ERC2: variants seen among roughly 807,000 people sequenced by gnomAD.
ERC2 encodes ERC protein 2.
In ERC2, 42 loss-of-function variants were observed where a neutral mutation model predicts 114.8. The ratio of observed to expected loss-of-function variants is 0.37; its 90% CI spans 0.29 to 0.47. The LOEUF (loss-of-function observed/expected upper bound fraction) is 0.47. Ranked by LOEUF, ERC2 falls within the 20% of genes least tolerant of loss-of-function variation. The pLI is 0.99. For missense variants in ERC2, 939 were observed against 1,150.7 expected (o/e 0.82, Z 2.66); for synonymous variants, 454 against 425.5 (o/e 1.07, Z -0.82).
chr3:55,777,461 A>T (rs1027779674), intron 14 of ERC2, among the ~76,000 whole-genome samples: 1 of 152,246 alleles, frequency 6.6e-6, no homozygotes, highest in Non-Finnish European at 1.5e-5. Flanking sequence ...GTGGGCATAC[A>T]GGCACCCCTG....
At chr3:56,420,918 G>T in intron 2 of ERC2, among the ~76,000 whole-genome samples, 1 of 151,510 alleles carries the variant, frequency 6.6e-6, no homozygotes, top group Non-Finnish European at 1.5e-5. Context: ...AAGAAAGAAA[G>T]AAAGAAAGAA....
At chr3:55,708,355 G>A (rs1043784926) in intron 15 of ERC2, among the ~76,000 whole-genome samples, 1 of 152,220 alleles carries the variant, frequency 6.6e-6, no homozygotes, top group Admixed American at 6.5e-5. Context: ...CAGAGTCTGG[G>A]GGAAGGGAAA....
intron 3 of ERC2, among the ~76,000 whole-genome samples, chr3:56,277,205 T>G (rs2054063600): frequency 6.6e-6 from 1 of 152,196 alleles, no homozygotes; most frequent in Non-Finnish European, 1.5e-5. Flanking sequence ...CCCTCCTCTC[T>G]AAATATTTCC....
At chr3:55,878,949 C>A in intron 14 of ERC2, among the ~76,000 whole-genome samples, 1 of 152,114 alleles carries the variant, frequency 6.6e-6, no homozygotes, top group East Asian at 1.9e-4. Context: ...CTGCTTGGCT[C>A]ATATATTTAA....
chr3:55,665,732 A>C (rs1030695439), intron 17 of ERC2, among the ~76,000 whole-genome samples: 3 of 152,200 alleles, frequency 2.0e-5, no homozygotes, highest in Admixed American at 6.5e-5. Flanking sequence ...CTAGAAAGGA[A>C]AGACAAATCA....
At chr3:56,192,331 G>T (rs1370905301) in intron 3 of ERC2, among the ~76,000 whole-genome samples, 1 of 152,178 alleles carries the variant, frequency 6.6e-6, no homozygotes, top group Non-Finnish European at 1.5e-5. Flanking sequence ...GAGGTTAATA[G>T]TTGTAACAGG....
intron 14 of ERC2, among the ~76,000 whole-genome samples, chr3:55,868,318 T>C (rs2062419673): frequency 6.6e-6 from 1 of 152,102 alleles, no homozygotes. Context: ...ATAATCCACA[T>C]CTAAAAAGTG....
chr3:56,343,001 A>G (rs2058150316), intron 2 of ERC2, among the ~76,000 whole-genome samples: 2 of 152,120 alleles, frequency 1.3e-5, no homozygotes, highest in East Asian at 3.9e-4. Flanking sequence ...AGCCAGGGCT[A>G]ATCACATCCC....
At chr3:56,381,589 T>C (rs981925565) in intron 2 of ERC2, among the ~76,000 whole-genome samples, 5 of 151,602 alleles carry the variant, frequency 3.3e-5, no homozygotes, top group Non-Finnish European at 7.4e-5. Flanking sequence ...ATAGATTCAA[T>C]AGCAGATTCT....
At chr3:55,563,756 G>C (rs59092529) in intron 17 of ERC2, among the ~76,000 whole-genome samples, 26,299 of 152,222 alleles carry the variant, frequency 0.17, 2,823 homozygotes, top group Middle Eastern at 0.27. Flanking sequence ...ACAGGGGTGG[G>C]AGAGATGGAA....
chr3:55,776,206 C>T (rs558113070), intron 14 of ERC2, among the ~76,000 whole-genome samples: 79 of 151,896 alleles, frequency 5.2e-4, no homozygotes, highest in African/African-American at 1.7e-3. Flanking sequence ...TTATAAAGGG[C>T]ACACAAGCCA....
In ERC2 at chr3:56,100,984, G is replaced by GA. The variant is rs546255121; in HGVS notation, c.1474-20001dup. Among the ~76,000 whole-genome samples the GA allele has an allele frequency of 4.0e-3, 603 of 151,866 alleles. 10 individuals are homozygous for GA. Among genetic ancestry groups the GA allele is most frequent in the African/African-American group, 0.014 (577 of 41,446 alleles). On this transcript the variant is annotated intron_variant, in intron 6 of 17. Coordinates refer to ENST00000288221, the MANE Select transcript of ERC2 (RefSeq NM_015576.3). ...TTCAGGGGATAATCAAATTAAGGAG[G>GA]AAAAAAAATCATCCTCTGTTTTTCT... is the stretch of plus-strand genomic sequence containing the variant.
chr3:56,058,379 C>T (rs997398380), intron 7 of ERC2, among the ~76,000 whole-genome samples: 1 of 152,214 alleles, frequency 6.6e-6, no homozygotes, highest in African/African-American at 2.4e-5. Context: ...ACACCACACT[C>T]CAGGTGCCTG....
intron 3 of ERC2, among the ~76,000 whole-genome samples, chr3:56,175,769 A>G (rs1348199924): frequency 2.6e-5 from 4 of 152,232 alleles, no homozygotes; most frequent in African/African-American, 9.6e-5. Context: ...GACACAATAA[A>G]TGTAACAACC....
intron 3 of ERC2, among the ~76,000 whole-genome samples, chr3:56,278,919 C>T (rs1287632612): frequency 2.0e-5 from 3 of 152,186 alleles, no homozygotes; most frequent in African/African-American, 2.4e-5. Context: ...TCCCACTATG[C>T]CCCAACTCCA....
At chr3:55,597,504 T>G (rs2058202941) in intron 17 of ERC2, among the ~76,000 whole-genome samples, 1 of 152,096 alleles carries the variant, frequency 6.6e-6, no homozygotes, top group Non-Finnish European at 1.5e-5. Context: ...ATAGTCCTCA[T>G]TTTCTGAGGC....
At chr3:55,654,156 C>A (rs887547692) in intron 17 of ERC2, among the ~76,000 whole-genome samples, 3 of 152,252 alleles carry the variant, frequency 2.0e-5, no homozygotes, top group Non-Finnish European at 2.9e-5. Flanking sequence ...GGTCTCAGCT[C>A]CTCAGCTAAG....
rs560504811 is a variant in ERC2 at position 55,583,342 on chromosome 3, T to TCTGC, written c.*40-72070_*40-72067dup. On this transcript the variant is annotated intron_variant, in intron 17 of 17. Transcript: ENST00000288221. ...TCCAGTGTGGAAGCTTGCCTGCCTG[T>TCTGC]CTGCCTGCCTGCCTGCCTGCCTGCC... Among the ~76,000 whole-genome samples the TCTGC allele has an allele frequency of 5.0e-3, 740 of 149,034 alleles. 6 individuals are homozygous for TCTGC. Among genetic ancestry groups the TCTGC allele is most frequent in the African/African-American group, 0.016 (633 of 39,488 alleles).
At chr3:55,638,891 A>T (rs2060062512) in intron 17 of ERC2, among the ~76,000 whole-genome samples, 1 of 152,214 alleles carries the variant, frequency 6.6e-6, no homozygotes, top group Admixed American at 6.5e-5. Flanking sequence ...CCTTCACAGA[A>T]TGACCTCCAT....
Sources: allele counts gnomAD v4.1 joint callset (sites outside exome capture counted in the v4.1 genomes callset), GRCh38; gene constraint gnomAD v4.1.1; transcripts MANE v1.5; gene names NCBI Gene and HGNC (gene_info 2026-07-23, HGNC 2026-07-21).